SPMIP2: variants seen among roughly 807,000 people sequenced by gnomAD.
SPMIP2 encodes the protein sperm microtubule inner protein 2, also known as protein SPMIP2.
chr4:158,937,546 T>C, the SPMIP2 span: 2 of 154,402 alleles, frequency 1.3e-5, no homozygotes, highest in African/African-American at 4.8e-5. Flanking sequence ...AGTGGTGGCA[T>C]CCTGTTTAAA....
the SPMIP2 span, chr4:159,007,974 C>A: frequency 2.7e-6 from 1 of 367,410 alleles, no homozygotes; most frequent in South Asian, 2.1e-5. Flanking sequence ...CAGTGGCATG[C>A]GCCTGTAGTC....
the SPMIP2 span, among the ~76,000 whole-genome samples, chr4:159,022,349 A>G: frequency 5.9e-5 from 9 of 152,224 alleles, no homozygotes; most frequent in South Asian, 2.1e-4. Context: ...ATGGTATTAT[A>G]CATGCTAATT....
At chr4:158,977,830 G>A in the SPMIP2 span, among the ~76,000 whole-genome samples, 26 of 151,896 alleles carry the variant, frequency 1.7e-4, no homozygotes, top group Non-Finnish European at 7.4e-5. Flanking sequence ...TAGCCAGGAT[G>A]GTCTCGATCT....
the SPMIP2 span, among the ~76,000 whole-genome samples, chr4:159,050,788 C>G: frequency 7.1e-6 from 1 of 140,534 alleles, no homozygotes; most frequent in Non-Finnish European, 1.5e-5. Flanking sequence ...AGAGCAAGAA[C>G]TCATCCGTTA....
the SPMIP2 span, among the ~76,000 whole-genome samples, chr4:159,058,625 T>TGA: frequency 2.6e-5 from 4 of 152,184 alleles, no homozygotes; most frequent in African/African-American, 9.7e-5. Context: ...AAGTCTCTTT[T>TGA]AAAAGGTGTA....
At chr4:158,983,357 T>C in the SPMIP2 span, among the ~76,000 whole-genome samples, 1 of 151,084 alleles carries the variant, frequency 6.6e-6, no homozygotes, top group East Asian at 1.9e-4. Flanking sequence ...GACACATAAT[T>C]GTCAGATTCA....
At chr4:158,969,984 G>A in the SPMIP2 span, among the ~76,000 whole-genome samples, 19 of 152,136 alleles carry the variant, frequency 1.2e-4, no homozygotes, top group African/African-American at 3.6e-4. Flanking sequence ...ATAAGAAACT[G>A]GAGAACGAAC....
At chr4:159,067,475 C>G in the SPMIP2 span, among the ~76,000 whole-genome samples, 2 of 152,194 alleles carry the variant, frequency 1.3e-5, no homozygotes, top group African/African-American at 4.8e-5. Flanking sequence ...AGGTGATCCA[C>G]CCGCCTTGGC....
the SPMIP2 span, chr4:158,973,047 T>C: frequency 1.1e-5 from 15 of 1,330,312 alleles, no homozygotes; most frequent in Middle Eastern, 3.7e-4. Flanking sequence ...GAAAACAGTA[T>C]ACTATGAAAA....
At chr4:158,932,155 C>T in the SPMIP2 span, among the ~76,000 whole-genome samples, 344 of 152,090 alleles carry the variant, frequency 2.3e-3, no homozygotes, top group African/African-American at 7.5e-3. Context: ...ATAAATAATA[C>T]ATCTGTTTAT....
At chr4:158,997,272 CCAG>C in the SPMIP2 span, among the ~76,000 whole-genome samples, 1 of 149,754 alleles carries the variant, frequency 6.7e-6, no homozygotes, top group Non-Finnish European at 1.5e-5. Flanking sequence ...CTCTTGTTGC[CCAG>C]GCTGGAGTAC....
the SPMIP2 span, among the ~76,000 whole-genome samples, chr4:158,959,725 T>TTA: frequency 6.6e-6 from 1 of 152,100 alleles, no homozygotes; most frequent in Non-Finnish European, 1.5e-5. Flanking sequence ...GAATCATATG[T>TTA]TATACCTAGA....
the SPMIP2 span, among the ~76,000 whole-genome samples, chr4:159,077,985 A>G: frequency 6.6e-6 from 1 of 152,204 alleles, no homozygotes; most frequent in African/African-American, 2.4e-5. Context: ...AAGTTTATAT[A>G]TAAATAACAT....
the SPMIP2 span, among the ~76,000 whole-genome samples, chr4:158,933,330 GTTC>G: frequency 6.6e-6 from 1 of 152,152 alleles, no homozygotes; most frequent in Non-Finnish European, 1.5e-5. Flanking sequence ...TTTTGCCAGT[GTTC>G]TTGTTTCTTT....
the SPMIP2 span, among the ~76,000 whole-genome samples, chr4:159,005,531 T>G: frequency 6.6e-6 from 1 of 152,166 alleles, no homozygotes; most frequent in Non-Finnish European, 1.5e-5. Flanking sequence ...TAATCTGAGT[T>G]CTAACAAGTC....
the SPMIP2 span, chr4:159,026,400 G>T: frequency 1.0e-6 from 1 of 962,688 alleles, no homozygotes; most frequent in South Asian, 1.3e-5. Context: ...ATGGATCATT[G>T]GTTCAGCATC....
the SPMIP2 span, among the ~76,000 whole-genome samples, chr4:159,062,697 G>GTCTCTCTC: frequency 6.2e-4 from 59 of 95,142 alleles, 3 homozygotes; most frequent in African/African-American, 1.5e-3. Flanking sequence ...TTGAAACAGG[G>GTCTCTCTC]TCTCTCTCTC....
At chr4:159,060,658 A>G in the SPMIP2 span, among the ~76,000 whole-genome samples, 1,559 of 152,316 alleles carry the variant, frequency 0.01, 32 homozygotes, top group African/African-American at 0.036. Context: ...GGCCAGAGAG[A>G]TGGAGACCAC....
the SPMIP2 span, among the ~76,000 whole-genome samples, chr4:158,931,482 CTT>C: frequency 6.6e-6 from 1 of 152,140 alleles, no homozygotes; most frequent in African/African-American, 2.4e-5. Flanking sequence ...GTCTTGAACT[CTT>C]GACCTCAGGT....
Sources: allele counts gnomAD v4.1 joint callset (sites outside exome capture counted in the v4.1 genomes callset), GRCh38; gene constraint gnomAD v4.1.1; transcripts MANE v1.5; gene names NCBI Gene and HGNC (gene_info 2026-07-23, HGNC 2026-07-21).